The following FHOD3 variants were observed in gnomAD, a reference collection of about 807,000 sequenced individuals.
The protein encoded by FHOD3 is FH1/FH2 domain-containing protein 3.
In FHOD3, 90 loss-of-function variants were observed where a neutral mutation model predicts 173.0. That is an observed-to-expected ratio of 0.52 (90% CI 0.44 to 0.62). The LOEUF (loss-of-function observed/expected upper bound fraction) is 0.62. FHOD3 is among the 20% of genes least tolerant of loss of function. The pLI is 0.00. For synonymous variants in FHOD3, 828 were observed against 823.0 expected, an observed-to-expected ratio of 1.01 and a Z score of -0.10; for missense variants, 1,945 against 2,034.7, an observed-to-expected ratio of 0.96 and a Z score of 0.85.
At chr18:36,725,406 G>A (rs892811029) in intron 19 of FHOD3, among the ~76,000 whole-genome samples, 6 of 152,210 alleles carry the variant, frequency 3.9e-5, no homozygotes, top group Non-Finnish European at 5.9e-5. Context: ...GTTTAAGGAA[G>A]TGGATTATAT....
At chr18:36,692,015 C>G (rs60619847) in intron 16 of FHOD3, among the ~76,000 whole-genome samples, 29,100 of 152,128 alleles carry the variant, frequency 0.19, 3,073 homozygotes, top group African/African-American at 0.26. Context: ...AGAGGCAAGG[C>G]CAAGATCACT....
At chr18:36,401,342 C>T (rs2048802794) in intron 3 of FHOD3, among the ~76,000 whole-genome samples, 1 of 152,224 alleles carries the variant, frequency 6.6e-6, no homozygotes, top group Admixed American at 6.5e-5. Flanking sequence ...GACACTGAAT[C>T]TGCCGTTACC....
At chr18:36,344,264 G>A (rs2045776337) in intron 1 of FHOD3, among the ~76,000 whole-genome samples, 1 of 152,184 alleles carries the variant, frequency 6.6e-6, no homozygotes, top group Non-Finnish European at 1.5e-5. Context: ...AGATTGAAGT[G>A]CAATAAACAA....
chr18:36,746,480 A>C (rs2042161514), intron 23 of FHOD3, among the ~76,000 whole-genome samples: 1 of 152,214 alleles, frequency 6.6e-6, no homozygotes, highest in Admixed American at 6.5e-5. Context: ...ATTATAAAGG[A>C]GATCATCACG....
Position 36,349,642 on chromosome 18 carries a change from C to G in FHOD3, c.166-5897C>G, listed in dbSNP as rs955585385. On this transcript the variant is annotated intron_variant, in intron 1 of 28. Coordinates refer to ENST00000590592, the MANE Select transcript of FHOD3 (RefSeq NM_001281740.3). Reference sequence around the variant, plus strand: ...GATCGCTGTGGACCTGCTGCCAAAACCTAGATAATCATTAAGCTACCCCAG... The same window carrying G: ...GATCGCTGTGGACCTGCTGCCAAAAGCTAGATAATCATTAAGCTACCCCAG... Among the ~76,000 whole-genome samples the G allele has an allele frequency of 2.0e-5, 3 of 152,148 alleles. No homozygotes were observed. In the East Asian group the frequency reaches 5.8e-4, roughly 29 times the overall value.
At chr18:36,414,230 G>A (rs550393077) in intron 3 of FHOD3, among the ~76,000 whole-genome samples, 12 of 152,328 alleles carry the variant, frequency 7.9e-5, no homozygotes, top group East Asian at 7.7e-4. Context: ...TGGATGCGCC[G>A]TGACTTTAGC....
chr18:36,450,791 T>C (rs2051801996), intron 3 of FHOD3, among the ~76,000 whole-genome samples: 1 of 152,204 alleles, frequency 6.6e-6, no homozygotes. Flanking sequence ...GGACCCTGTC[T>C]TTTAAAACAA....
intron 2 of FHOD3, among the ~76,000 whole-genome samples, chr18:36,359,245 T>C (rs2046499130): frequency 6.6e-6 from 1 of 152,250 alleles, no homozygotes; most frequent in Admixed American, 6.5e-5. Context: ...GTTTCCTTGC[T>C]GGAGGATTTT....
At chr18:36,318,522 CTGTT>C (rs570617372) in intron 1 of FHOD3, among the ~76,000 whole-genome samples, 158 of 152,262 alleles carry the variant, frequency 1.0e-3, no homozygotes, top group African/African-American at 3.3e-3. Context: ...ATTTGGCTCT[CTGTT>C]TGTCTATTGT....
At chr18:36,459,324 T>C (rs2052414752) in intron 3 of FHOD3, among the ~76,000 whole-genome samples, 2 of 152,070 alleles carry the variant, frequency 1.3e-5, no homozygotes, top group African/African-American at 4.8e-5. Context: ...AGGTGGAAAA[T>C]AAGTACATTG....
At chr18:36,690,621 C>T (rs1409818299) in intron 16 of FHOD3, among the ~76,000 whole-genome samples, 3 of 152,010 alleles carry the variant, frequency 2.0e-5, no homozygotes, top group African/African-American at 4.8e-5. Flanking sequence ...TGGCCGTCTC[C>T]GCGTACCAGC....
intron 24 of FHOD3, among the ~76,000 whole-genome samples, chr18:36,749,211 C>T (rs1453608072): frequency 1.3e-5 from 2 of 152,094 alleles, no homozygotes; most frequent in Non-Finnish European, 2.9e-5. Flanking sequence ...TTCAGGGATA[C>T]ATGTGAAGGT....
intron 3 of FHOD3, among the ~76,000 whole-genome samples, chr18:36,461,056 G>A (rs1342397812): frequency 6.6e-6 from 1 of 152,112 alleles, no homozygotes; most frequent in African/African-American, 2.4e-5. Context: ...TGAGAGGGAG[G>A]GACTGAATAG....
intron 7 of FHOD3, among the ~76,000 whole-genome samples, chr18:36,595,503 C>G (rs571367128): frequency 6.8e-6 from 1 of 147,964 alleles, no homozygotes; most frequent in South Asian, 2.1e-4. Context: ...TCGGCTGTAC[C>G]CCCACCCCCT....
intron 5 of FHOD3, among the ~76,000 whole-genome samples, chr18:36,544,351 G>A (rs1161415999): frequency 6.6e-6 from 1 of 152,228 alleles, no homozygotes; most frequent in Non-Finnish European, 1.5e-5. Flanking sequence ...TGCTTGTTCT[G>A]TGTTGACTTT....
chr18:36,313,286 T>TA (rs538682433), intron 1 of FHOD3, among the ~76,000 whole-genome samples: 64 of 152,148 alleles, frequency 4.2e-4, no homozygotes, highest in African/African-American at 1.4e-3. Flanking sequence ...TTTGTGAACT[T>TA]AAAAAAAACC....
chr18:36,603,106 G>A (rs1214423089), intron 8 of FHOD3, among the ~76,000 whole-genome samples: 20 of 152,262 alleles, frequency 1.3e-4, no homozygotes. Flanking sequence ...GGAAAGCATG[G>A]CCCTGCTGAC....
chr18:36,743,543 C>A (rs2042010474), intron 22 of FHOD3, among the ~76,000 whole-genome samples: 2 of 151,794 alleles, frequency 1.3e-5, no homozygotes, highest in African/African-American at 2.4e-5. Flanking sequence ...GTTTAAAAAT[C>A]TTTTTTTTAA....
intron 1 of FHOD3, among the ~76,000 whole-genome samples, chr18:36,349,145 C>T (rs917366912): frequency 2.0e-5 from 3 of 152,152 alleles, no homozygotes; most frequent in Non-Finnish European, 2.9e-5. Context: ...GCTGGCCTCG[C>T]GTGACATGTG....
Sources: allele counts gnomAD v4.1 joint callset (sites outside exome capture counted in the v4.1 genomes callset), GRCh38; gene constraint gnomAD v4.1.1; transcripts MANE v1.5; gene names NCBI Gene and HGNC (gene_info 2026-07-23, HGNC 2026-07-21).